FNDC3B: variants seen among roughly 807,000 people sequenced by gnomAD.
FNDC3B encodes fibronectin type III domain-containing protein 3B.
A neutral mutation model predicts 151.5 loss-of-function variants in FNDC3B; 12 were observed. The observed-to-expected ratio is 0.08, with a 90% CI of 0.05 to 0.13. The LOEUF (loss-of-function observed/expected upper bound fraction) is 0.13. Ranked by LOEUF, FNDC3B falls within the 10% of genes least tolerant of loss-of-function variation. The pLI is 1.00. For synonymous variants in FNDC3B, 528 were observed against 549.0 expected (o/e 0.96, Z 0.54); for missense variants, 1,214 against 1,505.3 (o/e 0.81, Z 3.20).
chr3:172,225,360 A>T (rs150847923), intron 3 of FNDC3B: 3,315 of 174,880 alleles, frequency 0.019, 127 homozygotes, highest in African/African-American at 0.075. Flanking sequence ...TTTTGTAGAG[A>T]TGGGATCTCG....
intron 11 of FNDC3B, among the ~76,000 whole-genome samples, chr3:172,311,694 G>A (rs956811055): frequency 2.8e-5 from 4 of 145,056 alleles, no homozygotes; most frequent in Non-Finnish European, 6.0e-5. Context: ...ATGAAACACC[G>A]TCTCTACTAA....
intron 3 of FNDC3B, among the ~76,000 whole-genome samples, chr3:172,208,495 T>C (rs144331596): frequency 2.2e-4 from 34 of 152,202 alleles, no homozygotes; most frequent in Non-Finnish European, 3.8e-4. Flanking sequence ...GACAATATGG[T>C]TTATTTTTAT....
At chr3:172,200,991 C>T (rs941428258) in intron 3 of FNDC3B, among the ~76,000 whole-genome samples, 20 of 152,116 alleles carry the variant, frequency 1.3e-4, no homozygotes, top group Admixed American at 3.3e-4. Flanking sequence ...ATATCTCTGC[C>T]GTACACATAT....
chr3:172,332,279 T>G (rs912582670), intron 13 of FNDC3B, among the ~76,000 whole-genome samples: 7 of 152,166 alleles, frequency 4.6e-5, no homozygotes, highest in African/African-American at 1.7e-4. Context: ...CAGTACTGAG[T>G]TTTTAATTGT....
intron 4 of FNDC3B, among the ~76,000 whole-genome samples, chr3:172,238,213 C>G (rs1319861657): frequency 1.3e-5 from 2 of 152,160 alleles, no homozygotes; most frequent in Non-Finnish European, 2.9e-5. Context: ...GGATCTTGCT[C>G]TGTCACCCAG....
At chr3:172,090,492 A>G (rs769340197) in intron 1 of FNDC3B, among the ~76,000 whole-genome samples, 1 of 152,200 alleles carries the variant, frequency 6.6e-6, no homozygotes, top group Admixed American at 6.5e-5. Flanking sequence ...GAACACAGAA[A>G]TAGTTCTTGG....
At chr3:172,210,169 C>T (rs772146795) in intron 3 of FNDC3B, among the ~76,000 whole-genome samples, 1 of 152,172 alleles carries the variant, frequency 6.6e-6, no homozygotes, top group Admixed American at 6.5e-5. Flanking sequence ...GGGTTCCCAC[C>T]GGGATCACCT....
At chr3:172,379,458 G>A (rs1735321792) in intron 24 of FNDC3B, among the ~76,000 whole-genome samples, 1 of 152,208 alleles carries the variant, frequency 6.6e-6, no homozygotes, top group African/African-American at 2.4e-5. Context: ...CCAGGACCTG[G>A]GTCAGGATTT....
chr3:172,364,769 C>T (rs1414013531), intron 23 of FNDC3B, among the ~76,000 whole-genome samples: 2 of 152,210 alleles, frequency 1.3e-5, no homozygotes, highest in East Asian at 3.8e-4. Context: ...CTTCCCCCCT[C>T]AAAAAGCCCA....
chr3:172,259,614 C>G (rs761903586), intron 6 of FNDC3B, among the ~76,000 whole-genome samples: 1 of 152,040 alleles, frequency 6.6e-6, no homozygotes, highest in South Asian at 2.1e-4. Flanking sequence ...ATTTTTTTCC[C>G]TCTTACTGGG....
At chr3:172,371,116 C>A (rs189235664) in intron 23 of FNDC3B, among the ~76,000 whole-genome samples, 290 of 152,198 alleles carry the variant, frequency 1.9e-3, no homozygotes, top group Non-Finnish European at 3.5e-3. Flanking sequence ...ACACCCTCCC[C>A]CCTTGCCCAC....
At chr3:172,117,156 T>C (rs1720299868) in intron 2 of FNDC3B, among the ~76,000 whole-genome samples, 1 of 152,232 alleles carries the variant, frequency 6.6e-6, no homozygotes, top group South Asian at 2.1e-4. Context: ...TAAAGTTATC[T>C]CTGCTTTGTA....
chr3:172,290,653 A>C (rs923804783), intron 7 of FNDC3B, among the ~76,000 whole-genome samples: 1 of 152,194 alleles, frequency 6.6e-6, no homozygotes, highest in Non-Finnish European at 1.5e-5. Flanking sequence ...AGAAGCGAGT[A>C]AACTGACCTG....
At chr3:172,045,792 CTCTATA>C (rs1350376546) in intron 1 of FNDC3B, among the ~76,000 whole-genome samples, 24 of 136,768 alleles carry the variant, frequency 1.8e-4, no homozygotes, top group African/African-American at 6.3e-4. Flanking sequence ...CTCTCTCTCT[CTCTATA>C]TATATATATA....
intron 21 of FNDC3B, among the ~76,000 whole-genome samples, chr3:172,351,840 TG>T (rs1733873160): frequency 6.6e-6 from 1 of 152,134 alleles, no homozygotes; most frequent in African/African-American, 2.4e-5. Context: ...GTCAGGTTTT[TG>T]TAAGGAGGGA....
rs139435078 is a variant in FNDC3B at position 172,121,243 on chromosome 3, C to T, written c.111+8653C>T. Among the ~76,000 whole-genome samples, 707 of 152,270 alleles carry T rather than the reference C, an allele frequency of 4.6e-3. 5 individuals carry two copies. Among genetic ancestry groups the T allele is most frequent in the African/African-American group, 0.016 (648 of 41,552 alleles). On this transcript the variant is annotated intron_variant, in intron 2 of 25. Coordinates refer to ENST00000415807, the MANE Select transcript of FNDC3B (RefSeq NM_022763.4). ...TACAGAAAAATGATTAAAATTTTTT[C>T]AGGCATGTGCATTGTGTATCAAACT...
intron 4 of FNDC3B, among the ~76,000 whole-genome samples, chr3:172,244,335 A>T (rs1025960872): frequency 6.0e-4 from 92 of 152,190 alleles, no homozygotes; most frequent in Admixed American, 2.6e-4. Flanking sequence ...TTTGGACTGA[A>T]TTCTGTCTGA....
chr3:172,047,650 G>C (rs1716428889), intron 1 of FNDC3B, among the ~76,000 whole-genome samples: 1 of 152,100 alleles, frequency 6.6e-6, no homozygotes, highest in Non-Finnish European at 1.5e-5. Flanking sequence ...AATATTGATT[G>C]ACTCAATGCT....
At chr3:172,158,354 G>C (rs1722600487) in intron 3 of FNDC3B, among the ~76,000 whole-genome samples, 1 of 152,188 alleles carries the variant, frequency 6.6e-6, no homozygotes, top group East Asian at 1.9e-4. Flanking sequence ...TCAGCATTTG[G>C]TCTGATGTTT....
Sources: gnomAD v4.1 joint callset for allele counts (sites outside exome capture counted in the v4.1 genomes callset) on GRCh38, gnomAD v4.1.1 for gene constraint, MANE v1.5 for transcripts, NCBI Gene and HGNC (gene_info 2026-07-23, HGNC 2026-07-21) for gene names.